Variants in XIRP2 observed in about 807,000 individuals in gnomAD.
The protein encoded by XIRP2 is xin actin binding repeat containing 2, also known as xin actin-binding repeat-containing protein 2.
A neutral mutation model predicts 277.0 loss-of-function variants in XIRP2; 236 were observed. The observed-to-expected ratio is 0.85, with a 90% confidence interval of 0.77 to 0.95. The LOEUF is 0.95. Among genes scored for constraint, XIRP2 ranks in the 40% least tolerant of loss-of-function variants. The probability of loss-of-function intolerance (pLI) is 0.00; values close to 1 mark genes in which losing one functional copy is unlikely to be tolerated. For missense variants in XIRP2, 4,640 were observed against 4,157.5 expected, an observed-to-expected ratio of 1.12 and a Z score of -3.19; for synonymous variants, 1,490 against 1,416.5, an observed-to-expected ratio of 1.05 and a Z score of -1.17.
intron 1 of XIRP2, among the ~76,000 whole-genome samples, chr2:166,895,011 A>G (rs1287086665): frequency 6.6e-6 from 1 of 152,124 alleles, no homozygotes; most frequent in Non-Finnish European, 1.5e-5. Context: ...GCAGAGGGAC[A>G]GCCTTTGCAA....
At chr2:166,942,048 T>A (rs911461598) in intron 2 of XIRP2, among the ~76,000 whole-genome samples, 1 of 152,224 alleles carries the variant, frequency 6.6e-6, no homozygotes, top group South Asian at 2.1e-4. Flanking sequence ...ATATTCATTC[T>A]ACTCAATAGT....
intron 2 of XIRP2, among the ~76,000 whole-genome samples, chr2:167,087,570 A>G (rs1319394254): frequency 6.6e-6 from 1 of 151,890 alleles, no homozygotes; most frequent in Admixed American, 6.6e-5. Flanking sequence ...TTGATCTCAG[A>G]CTGCTATGCT....
At chr2:167,168,274 GTCTAACATTACT>G (rs1692581775) in intron 3 of XIRP2, among the ~76,000 whole-genome samples, 1 of 151,986 alleles carries the variant, frequency 6.6e-6, no homozygotes, top group Non-Finnish European at 1.5e-5. Flanking sequence ...GTGGTTTGGT[GTCTAACATTACT>G]TTGCGGGAAA....
At chr2:167,255,367 C>T (rs1011882569) in intron 10 of XIRP2, among the ~76,000 whole-genome samples, 10 of 151,756 alleles carry the variant, frequency 6.6e-5, no homozygotes, top group African/African-American at 2.2e-4. Flanking sequence ...CTTTAACTTA[C>T]AGTCTTTATG....
At chr2:167,049,770 A>G (rs935780958) in intron 2 of XIRP2, among the ~76,000 whole-genome samples, 1 of 152,078 alleles carries the variant, frequency 6.6e-6, no homozygotes, top group Non-Finnish European at 1.5e-5. Context: ...CTCATTCTAA[A>G]GGAAGAGAGA....
intron 1 of XIRP2, among the ~76,000 whole-genome samples, chr2:166,893,320 G>T (rs1184889895): frequency 1.3e-5 from 2 of 152,052 alleles, no homozygotes; most frequent in Non-Finnish European, 2.9e-5. Flanking sequence ...CTTCAAAAAT[G>T]TAGAAAAGCC....
In XIRP2 at chr2:167,248,273, C is replaced by A; in HGVS notation, c.6881C>A (p.Pro2294Gln). The change falls in exon 9 of 11, where the codon CCA becomes CAA. Residue 2294 changes from proline to glutamine, a missense_variant. Pro to Gln is a moderately conservative substitution (Grantham distance 76). Transcript: ENST00000409195. ...ESECPLPPPS[P>Q]PPPPPSNASS... The stretch of plus-strand genomic sequence containing the variant: ...GAGTGCCCCCTTCCACCTCCATCTC[C>A]ACCTCCTCCACCACCTTCTAATGCA... 1 of 1,613,718 alleles carries A rather than the reference C, an allele frequency of 6.2e-7. No homozygotes were observed. Among genetic ancestry groups the A allele is most frequent in the Non-Finnish European group, 8.5e-7 (1 of 1,179,840 alleles).
In XIRP2 at chr2:166,924,040, A is replaced by C. The variant is rs373622312; in HGVS notation, c.408+20150A>C. Among the ~76,000 whole-genome samples, 12 of 152,206 alleles carry C rather than the reference A, an allele frequency of 7.9e-5. No homozygotes were observed. The South Asian group carries it at 2.5e-3, about 32-fold the overall frequency. On this transcript the variant is annotated intron_variant, in intron 2 of 10. Coordinates refer to ENST00000409195, the MANE Select transcript of XIRP2 (RefSeq NM_152381.6). ...TAAGCAAAGACAGATATGCCCTGAA[A>C]AAAAATAAGCTGGACACTAATTAAG...
intron 2 of XIRP2, among the ~76,000 whole-genome samples, chr2:167,023,521 G>A (rs1688049598): frequency 6.6e-6 from 1 of 151,984 alleles, no homozygotes; most frequent in Non-Finnish European, 1.5e-5. Context: ...TAGACATGAA[G>A]TCCTTGCCCA....
At chr2:166,940,555 T>A (rs1685676717) in intron 2 of XIRP2, among the ~76,000 whole-genome samples, 1 of 152,184 alleles carries the variant, frequency 6.6e-6, no homozygotes, top group East Asian at 1.9e-4. Context: ...TTCTGCTCTG[T>A]TTTTCCCCCA....
At chr2:167,228,606 A>G (rs997206496) in intron 5 of XIRP2, among the ~76,000 whole-genome samples, 1 of 152,160 alleles carries the variant, frequency 6.6e-6, no homozygotes, top group African/African-American at 2.4e-5. Context: ...GCAGGTGGTT[A>G]GAAACATTAA....
intron 2 of XIRP2, among the ~76,000 whole-genome samples, chr2:166,975,103 CA>C (rs1165700166): frequency 2.0e-5 from 3 of 151,978 alleles, no homozygotes; most frequent in Non-Finnish European, 4.4e-5. Context: ...AAATAAGACA[CA>C]AAAATTATAA....
At chr2:166,899,977 T>A (rs769575105) in intron 1 of XIRP2, among the ~76,000 whole-genome samples, 9 of 152,088 alleles carry the variant, frequency 5.9e-5, no homozygotes, top group African/African-American at 9.7e-5. Context: ...ATTTTTTTTT[T>A]AATTTTGTTT....
Position 166,987,510 on chromosome 2 carries a change from T to G in XIRP2, c.408+83620T>G, listed in dbSNP as rs1687038292. Among the ~76,000 whole-genome samples, 2 of 152,172 alleles carry G rather than the reference T, an allele frequency of 1.3e-5. 1 individual carries two copies. The highest frequency in any genetic ancestry group is 4.1e-4 in the South Asian group (2 of 4,834). On this transcript the variant is annotated intron_variant, in intron 2 of 10. Coordinates refer to ENST00000409195, the MANE Select transcript of XIRP2 (RefSeq NM_152381.6). ...TAAATGAAAACATTATAAATAATAA[T>G]ATTTTCACTGTCAAGTCATTCATAG...
chr2:167,119,964 C>T (rs1176282026), intron 2 of XIRP2, among the ~76,000 whole-genome samples: 1 of 152,112 alleles, frequency 6.6e-6, no homozygotes, highest in Non-Finnish European at 1.5e-5. Context: ...CCCTTCTGTG[C>T]TACTATATTA....
chr2:167,257,062 G>T (rs1695675244), intron 10 of XIRP2, among the ~76,000 whole-genome samples: 1 of 151,896 alleles, frequency 6.6e-6, no homozygotes, highest in South Asian at 2.1e-4. Flanking sequence ...TTCAGCTGCT[G>T]TTCTCTGATT....
At chr2:167,101,874 A>G (rs2105286797) in intron 2 of XIRP2, among the ~76,000 whole-genome samples, 1 of 152,344 alleles carries the variant, frequency 6.6e-6, no homozygotes, top group African/African-American at 2.4e-5. Flanking sequence ...ATTAATATAT[A>G]GGATATTTGC....
chr2:167,004,562 T>C (rs1687456801), intron 2 of XIRP2, among the ~76,000 whole-genome samples: 1 of 151,848 alleles, frequency 6.6e-6, no homozygotes, highest in African/African-American at 2.4e-5. Flanking sequence ...ATATCTCGGC[T>C]GTGTAGCAAC....
chr2:167,242,629 T>G lies in XIRP2; in HGVS notation c.1237T>G (p.Ser413Ala). The G allele has an allele frequency of 6.2e-7, 1 of 1,614,088 alleles. No individual in the cohort carries two copies. The highest frequency in any genetic ancestry group is 8.5e-7 in the Non-Finnish European group (1 of 1,179,972). The change falls in exon 9 of 11, where the codon TCT becomes GCT. Residue 413 changes from serine (S) to alanine (A), a missense_variant. By Grantham distance (99) the Ser-to-Ala change is moderately conservative. Transcript: ENST00000409195. Reference protein sequence around the residue: ...PSSVVSTSSTSCVSTSQRKET... With the variant: ...PSSVVSTSSTACVSTSQRKET... ...ATCAGTTGTGAGTACCTCTTCCACT[T>G]CTTGCGTTTCAACCAGCCAGAGGAA... is the stretch of plus-strand genomic sequence containing the variant.
Sources: allele counts gnomAD v4.1 joint callset (sites outside exome capture counted in the v4.1 genomes callset), GRCh38; gene constraint gnomAD v4.1.1; transcripts MANE v1.5; gene names NCBI Gene and HGNC (gene_info 2026-07-23, HGNC 2026-07-21).